The following CNTNAP2 variants were observed in gnomAD, a reference collection of about 807,000 sequenced individuals.
The protein encoded by CNTNAP2 is contactin associated protein 2.
Under a neutral mutation model 155.2 loss-of-function variants are expected in CNTNAP2, and 98 were observed. The ratio of observed to expected loss-of-function variants is 0.63; its 90% CI spans 0.54 to 0.75. CNTNAP2 has a LOEUF of 0.75. Among genes scored for constraint, CNTNAP2 ranks in the 30% least tolerant of loss-of-function variants. The probability of loss-of-function intolerance (pLI) is 0.00; values close to 1 mark genes in which losing one functional copy is unlikely to be tolerated. For missense variants in CNTNAP2, 1,727 were observed against 1,688.1 expected (o/e 1.02, Z -0.40); for synonymous variants, 651 against 631.2 (o/e 1.03, Z -0.47).
chr7:147,190,036 G>GC (rs1163168754), intron 8 of CNTNAP2, among the ~76,000 whole-genome samples: 2 of 152,070 alleles, frequency 1.3e-5, no homozygotes, highest in African/African-American at 4.8e-5. Context: ...GAGCCACCGT[G>GC]CCCACCCTTA....
At chr7:148,207,880 G>T (rs1235484912) in intron 18 of CNTNAP2, among the ~76,000 whole-genome samples, 1 of 151,974 alleles carries the variant, frequency 6.6e-6, no homozygotes, top group African/African-American at 2.4e-5. Context: ...GGCGGATCAC[G>T]AGGTCAGGAG....
chr7:148,329,786 C>T (rs1797953723), intron 21 of CNTNAP2, among the ~76,000 whole-genome samples: 1 of 152,200 alleles, frequency 6.6e-6, no homozygotes. Flanking sequence ...CTTTATCCAG[C>T]CTTATGCCTG....
At chr7:147,291,055 A>G (rs1351221167) in intron 8 of CNTNAP2, among the ~76,000 whole-genome samples, 1 of 152,110 alleles carries the variant, frequency 6.6e-6, no homozygotes, top group African/African-American at 2.4e-5. Flanking sequence ...TCTCCCTCAG[A>G]AAGTTCCTCG....
rs143278374 is a variant in CNTNAP2 at position 146,938,419 on chromosome 7, G to A, written c.402+98515G>A. 4.9e-3 allele frequency among the ~76,000 whole-genome samples: 736 copies of A among 149,550 alleles called. 1 individual carries two copies. Among genetic ancestry groups the A allele is most frequent in the Admixed American group, 8.0e-3 (119 of 14,914 alleles). On this transcript the variant is annotated intron_variant, in intron 3 of 23. Coordinates refer to ENST00000361727, the MANE Select transcript of CNTNAP2 (RefSeq NM_014141.6). ...TTTTATATATTATATATACATATAT[G>A]TGTGTACATGTATACATGTGTGTAT...
intron 21 of CNTNAP2, among the ~76,000 whole-genome samples, chr7:148,303,204 A>G (rs1336528313): frequency 6.6e-6 from 1 of 152,152 alleles, no homozygotes; most frequent in Non-Finnish European, 1.5e-5. Context: ...CACTCCTGAA[A>G]TTTAACTTGA....
At chr7:146,293,562 C>G (rs1422057837) in intron 1 of CNTNAP2, among the ~76,000 whole-genome samples, 1 of 152,088 alleles carries the variant, frequency 6.6e-6, no homozygotes, top group Non-Finnish European at 1.5e-5. Context: ...ACTAAGTACA[C>G]TAGTACATTT....
intron 14 of CNTNAP2, among the ~76,000 whole-genome samples, chr7:147,911,554 C>T (rs1800067640): frequency 6.6e-6 from 1 of 152,142 alleles, no homozygotes; most frequent in Non-Finnish European, 1.5e-5. Flanking sequence ...ATAACTCAGG[C>T]CACATAACCA....
At chr7:148,199,389 G>A (rs945707501) in intron 18 of CNTNAP2, among the ~76,000 whole-genome samples, 1 of 152,142 alleles carries the variant, frequency 6.6e-6, no homozygotes, top group African/African-American at 2.4e-5. Flanking sequence ...GGGAATGTGA[G>A]GTTTCAAGTC....
At chr7:146,211,568 C>G (rs140171565) in intron 1 of CNTNAP2, among the ~76,000 whole-genome samples, 1 of 152,112 alleles carries the variant, frequency 6.6e-6, no homozygotes, top group Admixed American at 6.6e-5. Context: ...TGCTTTGGAT[C>G]CTGTCCTGAT....
At chr7:146,630,080 A>G (rs1799486054) in intron 1 of CNTNAP2, among the ~76,000 whole-genome samples, 1 of 151,810 alleles carries the variant, frequency 6.6e-6, no homozygotes, top group African/African-American at 2.4e-5. Context: ...CCCGTCATCT[A>G]GGTTTTAAGC....
chr7:146,434,145 C>A (rs1398516390), intron 1 of CNTNAP2, among the ~76,000 whole-genome samples: 1 of 152,054 alleles, frequency 6.6e-6, no homozygotes, highest in African/African-American at 2.4e-5. Flanking sequence ...TTCACTGTAG[C>A]ATTAAACTGC....
chr7:147,851,812 T>C (rs1202184552), intron 13 of CNTNAP2, among the ~76,000 whole-genome samples: 2 of 151,340 alleles, frequency 1.3e-5, no homozygotes, highest in Admixed American at 1.3e-4. Flanking sequence ...CTAATGTAAA[T>C]GACGAGTTAA....
intron 13 of CNTNAP2, among the ~76,000 whole-genome samples, chr7:147,861,317 T>C (rs969862612): frequency 2.6e-5 from 4 of 152,168 alleles, no homozygotes; most frequent in African/African-American, 9.6e-5. Context: ...TGAATCATTA[T>C]ATTAGTGTAA....
chr7:146,683,337 C>T (rs1160510034), intron 1 of CNTNAP2, among the ~76,000 whole-genome samples: 1 of 152,110 alleles, frequency 6.6e-6, no homozygotes, highest in Non-Finnish European at 1.5e-5. Context: ...ACGGCCAAGT[C>T]GTTACCTAAA....
At chr7:147,825,486 T>C (rs1323105327) in intron 13 of CNTNAP2, among the ~76,000 whole-genome samples, 1 of 152,206 alleles carries the variant, frequency 6.6e-6, no homozygotes, top group African/African-American at 2.4e-5. Context: ...TTCATTATTA[T>C]AAAAGTGTAC....
intron 1 of CNTNAP2, among the ~76,000 whole-genome samples, chr7:146,227,062 T>G (rs770664921): frequency 7.9e-5 from 12 of 152,082 alleles, no homozygotes; most frequent in Non-Finnish European, 1.6e-4. Flanking sequence ...AAGACACACT[T>G]ATGTATAGAT....
intron 1 of CNTNAP2, among the ~76,000 whole-genome samples, chr7:146,136,553 G>T (rs571352170): frequency 6.6e-6 from 1 of 152,224 alleles, no homozygotes; most frequent in East Asian, 1.9e-4. Flanking sequence ...TTAGTGTGGC[G>T]TGGAGGGGCA....
chr7:146,546,509 G>A (rs566579236), intron 1 of CNTNAP2, among the ~76,000 whole-genome samples: 2 of 151,960 alleles, frequency 1.3e-5, no homozygotes, highest in Middle Eastern at 3.4e-3. Context: ...GAGGAAATCA[G>A]TTTTCCTTGT....
At chr7:148,368,930 C>A (rs1207201402) in intron 21 of CNTNAP2, among the ~76,000 whole-genome samples, 2 of 152,142 alleles carry the variant, frequency 1.3e-5, no homozygotes, top group Non-Finnish European at 2.9e-5. Flanking sequence ...TTAGGTCAGG[C>A]GGGCCCAGGC....
Sources: allele counts gnomAD v4.1 joint callset (sites outside exome capture counted in the v4.1 genomes callset), GRCh38; gene constraint gnomAD v4.1.1; transcripts MANE v1.5; gene names NCBI Gene and HGNC (gene_info 2026-07-23, HGNC 2026-07-21).